ZNF646: variants seen among roughly 807,000 people sequenced by gnomAD.
The protein encoded by ZNF646 is zinc finger protein 646.
A neutral mutation model predicts 115.4 loss-of-function variants in ZNF646; 49 were observed. The ratio of observed to expected loss-of-function variants is 0.42; its 90% CI spans 0.34 to 0.54. The LOEUF is 0.54. ZNF646 is among the 20% of genes least tolerant of loss of function. The probability of loss-of-function intolerance (pLI) is 0.04; values close to 1 mark genes in which losing one functional copy is unlikely to be tolerated. For synonymous variants in ZNF646, 933 were observed against 939.0 expected, an observed-to-expected ratio of 0.99 and a Z score of 0.12; for missense variants, 2,269 against 2,457.9, an observed-to-expected ratio of 0.92 and a Z score of 1.62.
Position 31,076,692 on chromosome 16 carries a change from C to T in ZNF646, c.368C>T (p.Ser123Phe), listed in dbSNP as rs1278251509. The T allele has an allele frequency of 1.2e-6, 2 of 1,613,420 alleles. No homozygotes were observed. Among genetic ancestry groups the T allele is most frequent in the Non-Finnish European group, 8.5e-7 (1 of 1,179,950 alleles). The change falls in exon 2 of 3, where the codon TCC (serine) becomes TTC (phenylalanine). Residue 123 changes from serine to phenylalanine, a missense_variant. Coordinates refer to ENST00000300850, the MANE Select transcript of ZNF646 (RefSeq NM_014699.4). ...ATPHLQGETV[S>F]TDSWGQRLGS... ...CCACACCTCCAGGGTGAGACGGTGT[C>T]CACTGACTCCTGGGGCCAAAGGCTT...
In ZNF646 at chr16:31,077,488, C is replaced by T; in HGVS notation, c.1164C>T (p.Ser388=). 6.2e-7 allele frequency: 1 copy of T among 1,613,370 alleles called. No individual in the cohort carries two copies. The highest frequency in any genetic ancestry group is 8.5e-7 in the Non-Finnish European group (1 of 1,179,930). Residue 388 remains serine, a synonymous_variant, in exon 2 of 3, where the codon AGC becomes AGT. Transcript: ENST00000300850. ...DCGRTYRHAG[S]LINHRKSHQT... is the part of the protein sequence containing the mutation. ...GCCGTACTTACCGCCATGCTGGGAG[C>T]CTCATCAACCATCGAAAGAGCCACC... is the stretch of plus-strand genomic sequence containing the variant.
Position 31,076,447 on chromosome 16 carries a change from T to C in ZNF646, c.123T>C (p.Ala41=), listed in dbSNP as rs748152083. 1.2e-6 allele frequency: 2 copies of C among 1,613,908 alleles called. No individual in the cohort carries two copies. The highest frequency in any genetic ancestry group is 1.7e-6 in the Non-Finnish European group (2 of 1,179,988). ...CTCCCAACCAGGACAGTGAGGAGGC[T>C]GACAGCATCCCTCGGCCCTACCGTT... ...HPSPNQDSEE[A]DSIPRPYRCQ... Residue 41 remains alanine, a synonymous_variant, in exon 2 of 3, where the codon GCT becomes GCC. Transcript: ENST00000300850.
At chr16:31,081,911 G>A (rs2057167426) in intron 2 of ZNF646, 1 of 836,564 alleles carries the variant, frequency 1.2e-6, no homozygotes, top group Admixed American at 3.1e-5. Context: ...AGCAGGGTGG[G>A]TTGGGCAGCA....
Position 31,077,840 on chromosome 16 carries a change from G to A in ZNF646, c.1516G>A (p.Ala506Thr). ...TCCCCGCAAGTACCCCAATCTCATG[G>A]CCCTGCGCAACCACGTGCGGGTACA... Reference protein sequence around the residue: ...LCPRKYPNLMALRNHVRVHCK... With the variant: ...LCPRKYPNLMTLRNHVRVHCK... The change falls in exon 2 of 3, where the codon GCC becomes ACC. Residue 506 changes from alanine (A) to threonine (T), a missense_variant. Physicochemically the swap from Ala to Thr is moderately conservative, Grantham distance 58. Transcript: ENST00000300850. 1.2e-6 allele frequency: 2 copies of A among 1,613,830 alleles called. No homozygotes were observed. Among genetic ancestry groups the A allele is most frequent in the South Asian group, 1.1e-5 (1 of 91,076 alleles).
chr16:31,077,991 G>A lies in ZNF646; in HGVS notation c.1667G>A (p.Cys556Tyr), dbSNP rs759337311. Residue 556 changes from cysteine (C) to tyrosine (Y), a missense_variant, in exon 2 of 3, where the codon TGC becomes TAC. By Grantham distance (194) the Cys-to-Tyr change is radical. This residue lies in a region of ZNF646 where 852 missense variants were observed against 900.2 expected (regional missense o/e 0.95). Coordinates refer to ENST00000300850, the MANE Select transcript of ZNF646 (RefSeq NM_014699.4). ...CCGCACACAGATCAGGACCATGTGTGCAAACATGAAGAAGAGGCCACGGAC... is the reference window on the plus strand; with the variant it reads ...CCGCACACAGATCAGGACCATGTGTACAAACATGAAGAAGAGGCCACGGAC... ...AAPHTDQDHV[C>Y]KHEEEATDIT... 1 of 1,614,064 alleles carries A rather than the reference G, an allele frequency of 6.2e-7. No individual in the cohort carries two copies.
Position 31,078,260 on chromosome 16 carries a change from T to C in ZNF646, c.1936T>C (p.Cys646Arg). The C allele has an allele frequency of 6.2e-7, 1 of 1,613,884 alleles. No homozygotes were observed. The highest frequency in any genetic ancestry group is 8.5e-7 in the Non-Finnish European group (1 of 1,180,004). The change falls in exon 2 of 3, where the codon TGT becomes CGT. Residue 646 changes from cysteine to arginine, a missense_variant. Transcript: ENST00000300850. ...RQTHQTGDFS[C>R]GACAKHFHTM... ...GACCCACCAGACAGGAGACTTCAGT[T>C]GTGGGGCCTGTGCCAAGCACTTCCA...
chr16:31,081,842 TGA>T, intron 2 of ZNF646, 141 bp downstream of exon 2: 1 of 1,339,614 alleles, frequency 7.5e-7, no homozygotes, highest in East Asian at 2.5e-5. Flanking sequence ...GGCTATGGGG[TGA>T]GAGAAGTAGC....
Position 31,083,213 on chromosome 16 carries a change from G to C in ZNF646, c.*121G>C. 1.4e-6 allele frequency: 2 copies of C among 1,411,222 alleles called. No homozygotes were observed. The highest frequency in any genetic ancestry group is 1.9e-6 in the Non-Finnish European group (2 of 1,061,400). The allele number at this position is 1,411,222 out of a possible 1,614,324, so 87.4% of individuals were successfully genotyped here. On this transcript the variant is annotated 3_prime_UTR_variant, in exon 3 of 3. Coordinates refer to ENST00000300850, the MANE Select transcript of ZNF646 (RefSeq NM_014699.4). ...ATATCTTCTCCTCTCCCCTTGTGAA[G>C]AGGACCCAGATCTGGCTTCTTTCCC... is the stretch of plus-strand genomic sequence containing the variant.
Position 31,084,151 on chromosome 16 carries a change from T to C in ZNF646, c.*1059T>C. 1 of 1,593,712 alleles carries C rather than the reference T, an allele frequency of 6.3e-7. No individual in the cohort carries two copies. Among genetic ancestry groups the C allele is most frequent in the Non-Finnish European group, 8.5e-7 (1 of 1,170,998 alleles). ...GGCCAGGCAGCTTCCAGGCTCAGCC[T>C]CGGGCTCTGGTTCCTCGGCGAAGTA... On this transcript the variant is annotated 3_prime_UTR_variant, in exon 3 of 3. Transcript: ENST00000300850.
At position 31,084,085 on chromosome 16, in the gene ZNF646, G is replaced by A; in HGVS notation, c.*993G>A. The stretch of plus-strand genomic sequence containing the variant: ...CTGGAGAGAGAAGGGTCCTGGAGAG[G>A]CAGGGTTTGGCAGGAGGCCCCGGGG... On this transcript the variant is annotated 3_prime_UTR_variant, in exon 3 of 3. Transcript: ENST00000300850. 1 of 1,549,028 alleles carries A rather than the reference G, an allele frequency of 6.5e-7. No homozygotes were observed. Among genetic ancestry groups the A allele is most frequent in the South Asian group, 1.2e-5 (1 of 83,630 alleles).
Position 31,083,327 on chromosome 16 carries a change from T to G in ZNF646, c.*235T>G. ...CACCGTGCTCTTCTCAGCGCCACCC[T>G]CAGCAGCCAGATTGCAACACCAGGG... On this transcript the variant is annotated 3_prime_UTR_variant, in exon 3 of 3. Transcript: ENST00000300850. 1.0e-6 allele frequency: 1 copy of G among 979,054 alleles called. No individual in the cohort carries two copies. The highest frequency in any genetic ancestry group is 3.7e-5 in the Admixed American group (1 of 27,168). 60.6% of individuals were successfully genotyped at this position (979,054 alleles called of 1,614,324 possible).
chr16:31,083,625 G>A lies in ZNF646; in HGVS notation c.*533G>A. 3.3e-6 allele frequency: 5 copies of A among 1,509,660 alleles called. No individual in the cohort carries two copies. The highest frequency in any genetic ancestry group is 2.6e-5 in the South Asian group (2 of 76,450). The allele number at this position is 1,509,660 out of a possible 1,614,324, so 93.5% of individuals were successfully genotyped here. ...CACAGACACCCCTGTCCTGCAGGGTGGGGAGTGGGCACCTGTGGCCCCAGG... is the reference window on the plus strand; with the variant it reads ...CACAGACACCCCTGTCCTGCAGGGTAGGGAGTGGGCACCTGTGGCCCCAGG... On this transcript the variant is annotated 3_prime_UTR_variant, in exon 3 of 3. Transcript: ENST00000300850.
rs752658912 is a variant in ZNF646, at chr16:31,080,147, A to G, written c.3823A>G (p.Ser1275Gly). ...KAFRLRKQLA[S>G]HQRVHMERRG... ...CTTCCGCCTGCGGAAACAGCTGGCC[A>G]GCCACCAGCGGGTCCACATGGAACG... The change falls in exon 2 of 3, where the codon AGC becomes GGC. Residue 1275 changes from serine (S) to glycine (G), a missense_variant. Transcript: ENST00000300850. 6.2e-7 allele frequency: 1 copy of G among 1,612,716 alleles called. No homozygotes were observed. Among genetic ancestry groups the G allele is most frequent in the Non-Finnish European group, 8.5e-7 (1 of 1,179,714 alleles).
chr16:31,081,470 C>T lies in ZNF646; in HGVS notation c.5146C>T (p.Leu1716=). ...CCTCTGTCCCAAACTTCTCCCTAAC[C>T]TGCTGTCTCTTAAGAACCACAGCAG... ...CSLCPKLLPN[L]LSLKNHSRTH... The change falls in exon 2 of 3, where the codon CTG becomes TTG. Residue 1716 remains leucine, a synonymous_variant. Transcript: ENST00000300850. 1.2e-6 allele frequency: 2 copies of T among 1,614,232 alleles called. No individual in the cohort carries two copies. The highest frequency in any genetic ancestry group is 1.7e-6 in the Non-Finnish European group (2 of 1,180,044).
In ZNF646 at chr16:31,080,801, G is replaced by A. The variant is rs1186452739; in HGVS notation, c.4477G>A (p.Val1493Ile). 3 of 1,614,134 alleles carry A rather than the reference G, an allele frequency of 1.9e-6. No homozygotes were observed. The East Asian group carries it at 6.7e-5, about 36-fold the overall frequency. The change falls in exon 2 of 3, where the codon GTC (valine) becomes ATC (isoleucine). Residue 1493 changes from valine to isoleucine, a missense_variant. Physicochemically the swap from Val to Ile is conservative, Grantham distance 29. Transcript: ENST00000300850. Reference protein sequence around the residue: ...LTRSEEPEDSVHRSPCHAGDC... With the variant: ...LTRSEEPEDSIHRSPCHAGDC... ...TAGGTCAGAGGAGCCAGAGGACAGT[G>A]TCCACAGGAGTCCTTGCCACGCTGG...
In ZNF646 at chr16:31,077,014, C is replaced by G. The variant is rs770101503; in HGVS notation, c.690C>G (p.Ser230=). ...NFTGGQEPTQ[S]PPAEEERRYK... is the part of the protein sequence containing the mutation. ...CAGGGGGCCAGGAGCCCACCCAGTCCCCTCCTGCTGAGGAGGAGCGGCGGT... is the reference window on the plus strand; with the variant it reads ...CAGGGGGCCAGGAGCCCACCCAGTCGCCTCCTGCTGAGGAGGAGCGGCGGT... Residue 230 remains serine (S), a synonymous_variant, in exon 2 of 3, where the codon TCC becomes TCG. Transcript: ENST00000300850. 2.5e-6 allele frequency: 4 copies of G among 1,613,992 alleles called. No individual in the cohort carries two copies. Among genetic ancestry groups the G allele is most frequent in the East Asian group, 2.2e-5 (1 of 44,866 alleles).
chr16:31,081,444 C>G lies in ZNF646; in HGVS notation c.5120C>G (p.Ser1707Cys), dbSNP rs1457979861. 4 of 1,614,080 alleles carry G rather than the reference C, an allele frequency of 2.5e-6. No individual in the cohort carries two copies. Among genetic ancestry groups the G allele is most frequent in the African/African-American group, 2.7e-5 (2 of 74,950 alleles). ...KAHTTGLYPC[S>C]LCPKLLPNLL... ...CACACCACAGGGTTGTACCCGTGCT[C>G]CCTCTGTCCCAAACTTCTCCCTAAC... Residue 1707 changes from serine to cysteine, a missense_variant, in exon 2 of 3, where the codon TCC becomes TGC. Physicochemically the swap from Ser to Cys is moderately radical, Grantham distance 112. Transcript: ENST00000300850.
chr16:31,079,598 G>A lies in ZNF646; in HGVS notation c.3274G>A (p.Ala1092Thr). 1 of 1,613,332 alleles carries A rather than the reference G, an allele frequency of 6.2e-7. No individual in the cohort carries two copies. Among genetic ancestry groups the A allele is most frequent in the South Asian group, 1.1e-5 (1 of 91,082 alleles). Residue 1092 changes from alanine to threonine, a missense_variant, in exon 2 of 3, where the codon GCT (alanine) becomes ACT (threonine). Ala to Thr is a moderately conservative substitution (Grantham distance 58, BLOSUM62 0). This residue lies in a region of ZNF646 where 1,062 missense variants were observed against 1,172.8 expected (regional missense o/e 0.91). Coordinates refer to ENST00000300850, the MANE Select transcript of ZNF646 (RefSeq NM_014699.4). This position sits in a 1 kb window ranked among gnomAD's most constrained non-coding sequence, Gnocchi z 5.5. Reference protein sequence around the residue: ...PVCSRCYPNLAAYRNHLRNHP... With the variant: ...PVCSRCYPNLTAYRNHLRNHP... ...CTGCTCCCGCTGCTACCCCAACCTG[G>A]CTGCCTACCGTAATCATCTGCGGAA...
At position 31,083,245 on chromosome 16, in the gene ZNF646, G is replaced by C; in HGVS notation, c.*153G>C. 7.4e-6 allele frequency: 9 copies of C among 1,223,098 alleles called. No individual in the cohort carries two copies. Among genetic ancestry groups the C allele is most frequent in the Non-Finnish European group, 8.8e-6 (8 of 905,494 alleles). 75.8% of individuals were successfully genotyped at this position (1,223,098 alleles called of 1,614,324 possible). A position where few individuals can be genotyped will look rare whatever the true frequency, so the allele number is the denominator to read the frequency against. On this transcript the variant is annotated 3_prime_UTR_variant, in exon 3 of 3. Transcript: ENST00000300850. ...CAGATCTGGCTTCTTTCCCAAGGAG[G>C]GGGTGGGGTGTTCCTCGCGTCCCTG...
Sources: gnomAD v4.1 joint callset for allele counts on GRCh38, gnomAD v4.1.1 for gene constraint, gnomAD v4.1.1 regional missense constraint, Gnocchi (gnomAD v3.1) non-coding constraint, MANE v1.5 for transcripts, NCBI Gene and HGNC (gene_info 2026-07-23, HGNC 2026-07-21) for gene names.